The following LAMA1 variants were observed in gnomAD, a reference collection of about 807,000 sequenced individuals.
The protein encoded by LAMA1 is laminin subunit alpha 1, also known as laminin subunit alpha-1.
In LAMA1, 219 loss-of-function variants were observed where a neutral mutation model predicts 348.7. That is an observed-to-expected ratio of 0.63 (90% CI 0.56 to 0.70). The LOEUF (loss-of-function observed/expected upper bound fraction) is 0.70, where lower values mean the gene tolerates loss of function less well. Ranked by LOEUF, LAMA1 falls within the 30% of genes least tolerant of loss-of-function variation. The probability of loss-of-function intolerance (pLI) is 0.00; values close to 1 mark genes in which losing one functional copy is unlikely to be tolerated. For missense variants in LAMA1, 3,744 were observed against 3,888.0 expected (o/e 0.96, Z 0.99); for synonymous variants, 1,487 against 1,491.0 (o/e 1.00, Z 0.06).
chr18:6,985,726 G>A, intron 37 of LAMA1, 83 bp from the exon 38 acceptor site: 2 of 839,710 alleles, frequency 2.4e-6, no homozygotes, highest in Non-Finnish European at 4.1e-6. Flanking sequence ...ACGTGCAGAA[G>A]TTAGTGCATG....
intron 24 of LAMA1, 111 bp downstream of exon 24, chr18:7,011,884 G>A (rs1236599967): frequency 7.6e-7 from 1 of 1,319,614 alleles, no homozygotes; most frequent in Non-Finnish European, 1.0e-6. Flanking sequence ...TAGAATTTTG[G>A]ATGCCATAAG....
intron 5 of LAMA1, among the ~76,000 whole-genome samples, chr18:7,048,023 A>G (rs956464922): frequency 6.6e-6 from 1 of 152,236 alleles, no homozygotes; most frequent in African/African-American, 2.4e-5. Flanking sequence ...AAAAAATGGT[A>G]AATTGGGATT....
Position 7,042,134 on chromosome 18 carries a change from C to A in LAMA1, c.1261+11G>T. On this transcript the variant is annotated intron_variant, in intron 9 of 62. Transcript: ENST00000389658. ...ATCAATTACAAGCACAAAAGTGAAT[C>A]AAGTACTTACCATTGTGTAAGTCAG... The A allele has an allele frequency of 6.4e-7, 1 of 1,565,352 alleles. No homozygotes were observed. The highest frequency in any genetic ancestry group is 1.1e-5 in the South Asian group (1 of 88,866).
intron 53 of LAMA1, 51 bp from the exon 54 acceptor site, chr18:6,959,543 T>C (rs2057597660): frequency 6.3e-7 from 1 of 1,593,726 alleles, no homozygotes; most frequent in Non-Finnish European, 8.6e-7. Flanking sequence ...TACTATATGA[T>C]TTAGAAAACT....
chr18:7,000,489 C>A (rs1568025276), intron 30 of LAMA1, among the ~76,000 whole-genome samples: 1 of 152,208 alleles, frequency 6.6e-6, no homozygotes, highest in Non-Finnish European at 1.5e-5. Context: ...TAAGGCAGAA[C>A]TGGAGAACGG....
At chr18:6,964,958 A>C (rs2057625934) in intron 50 of LAMA1, among the ~76,000 whole-genome samples, 155 bp from the exon 51 acceptor site, 2 of 152,236 alleles carry the variant, frequency 1.3e-5, no homozygotes, top group Non-Finnish European at 2.9e-5. Flanking sequence ...ATTGAAGGAC[A>C]AGTGAAAATC....
At chr18:7,001,489 ATAGCT>A (rs1463048217) in intron 30 of LAMA1, among the ~76,000 whole-genome samples, 1 of 152,204 alleles carries the variant, frequency 6.6e-6, no homozygotes, top group African/African-American at 2.4e-5. Context: ...AGGATGCTTC[ATAGCT>A]TGCAAGGGAA....
chr18:7,043,875 G>A (rs1337507483), intron 7 of LAMA1, among the ~76,000 whole-genome samples: 1 of 152,178 alleles, frequency 6.6e-6, no homozygotes, highest in Non-Finnish European at 1.5e-5. Flanking sequence ...AGCGATGTGG[G>A]CTGGGCGCCA....
At chr18:7,097,675 C>T (rs1200971603) in intron 1 of LAMA1, among the ~76,000 whole-genome samples, 1 of 152,160 alleles carries the variant, frequency 6.6e-6, no homozygotes, top group African/African-American at 2.4e-5. Flanking sequence ...TAGCATAAAA[C>T]AGATGCATAG....
rs1009605375 is a variant in LAMA1, at chr18:6,980,442, G to A, written c.6007+79C>T. 4.0e-6 allele frequency: 4 copies of A among 993,462 alleles called. No homozygotes were observed. In the East Asian group the frequency reaches 9.5e-5, roughly 24 times the overall value. The allele number at this position is 993,462 out of a possible 1,614,324, so 61.5% of individuals were successfully genotyped here. On this transcript the variant is annotated intron_variant, in intron 42 of 62. Coordinates refer to ENST00000389658, the MANE Select transcript of LAMA1 (RefSeq NM_005559.4). ...AGCTAAAGCCTTTATCAGTCTTGAGGCAGGACTTCCTTATGTTCCTGAGTG... is the reference window on the plus strand; with the variant it reads ...AGCTAAAGCCTTTATCAGTCTTGAGACAGGACTTCCTTATGTTCCTGAGTG...
chr18:7,038,313 C>T (rs1213776584), intron 11 of LAMA1, among the ~76,000 whole-genome samples: 2 of 152,154 alleles, frequency 1.3e-5, no homozygotes, highest in Non-Finnish European at 2.9e-5. Context: ...CCACTGGACA[C>T]CCCTGTTGAA....
intron 35 of LAMA1, 24 bp downstream of exon 35, chr18:6,993,617 C>T: frequency 1.3e-6 from 2 of 1,500,658 alleles, no homozygotes; most frequent in Non-Finnish European, 1.9e-6. Flanking sequence ...ACAGATACTT[C>T]AAACTAGACA....
Position 6,975,932 on chromosome 18 carries a change from C to T in LAMA1, c.6489+5G>A. 1.9e-6 allele frequency: 3 copies of T among 1,614,010 alleles called. No homozygotes were observed. Among genetic ancestry groups the T allele is most frequent in the Non-Finnish European group, 2.5e-6 (3 of 1,179,990 alleles). On this transcript the variant is annotated splice_donor_5th_base_variant and intron_variant, in intron 45 of 62. Transcript: ENST00000389658. ...AGTGTCGCTTTCCAAAGGTCCATAACTTACAGCGGTGCTGCTACCGAGGTA... is the reference window on the plus strand; with the variant it reads ...AGTGTCGCTTTCCAAAGGTCCATAATTTACAGCGGTGCTGCTACCGAGGTA...
chr18:7,007,420 T>A, intron 28 of LAMA1, 144 bp from the exon 29 acceptor site: 4 of 721,646 alleles, frequency 5.5e-6, no homozygotes, highest in South Asian at 2.1e-5. Flanking sequence ...GAAATGCAAA[T>A]GAAAAAACAC....
intron 1 of LAMA1, among the ~76,000 whole-genome samples, chr18:7,102,726 G>T (rs1183565117): frequency 6.6e-6 from 1 of 152,126 alleles, no homozygotes; most frequent in African/African-American, 2.4e-5. Flanking sequence ...GGGGTCTGGA[G>T]TACAAGGTCC....
intron 48 of LAMA1, among the ~76,000 whole-genome samples, chr18:6,970,282 CA>C (rs5822935): frequency 6.6e-6 from 1 of 150,956 alleles, no homozygotes; most frequent in Middle Eastern, 3.4e-3. Flanking sequence ...CGTTTATTGT[CA>C]AAAAAAAATC....
At chr18:7,073,463 AT>A (rs1323810554) in intron 3 of LAMA1, among the ~76,000 whole-genome samples, 1 of 152,124 alleles carries the variant, frequency 6.6e-6, no homozygotes, top group Non-Finnish European at 1.5e-5. Flanking sequence ...TTCTGTCTCT[AT>A]GAACTGACTT....
intron 57 of LAMA1, among the ~76,000 whole-genome samples, chr18:6,953,529 C>T (rs1296368037): frequency 1.3e-5 from 2 of 152,090 alleles, no homozygotes; most frequent in Non-Finnish European, 1.5e-5. Context: ...TGAACGTATC[C>T]CCCGAGGAGA....
chr18:7,030,801 A>C (rs1022439792), intron 16 of LAMA1, among the ~76,000 whole-genome samples: 8 of 152,272 alleles, frequency 5.3e-5, no homozygotes, highest in African/African-American at 1.9e-4. Context: ...TACAAAAGAC[A>C]TAAGTGGCAG....
Sources: gnomAD v4.1 joint callset for allele counts (sites outside exome capture counted in the v4.1 genomes callset) on GRCh38, gnomAD v4.1.1 for gene constraint, MANE v1.5 for transcripts, NCBI Gene and HGNC (gene_info 2026-07-23, HGNC 2026-07-21) for gene names.